The following ADAMTS19 variants were observed in gnomAD, a reference collection of about 807,000 sequenced individuals.
ADAMTS19 encodes the protein ADAM metallopeptidase with thrombospondin type 1 motif 19.
In ADAMTS19, 93 loss-of-function variants were observed where a neutral mutation model predicts 153.3. That is an observed-to-expected ratio of 0.61 (90% CI 0.51 to 0.72). The LOEUF is 0.72. Among genes scored for constraint, ADAMTS19 ranks in the 30% least tolerant of loss-of-function variants. The pLI is 0.00. For synonymous variants in ADAMTS19, 600 were observed against 556.6 expected (o/e 1.08, Z -1.10); for missense variants, 1,482 against 1,552.1 (o/e 0.95, Z 0.76).
chr5:129,699,740 T>C (rs1037314149), intron 19 of ADAMTS19, among the ~76,000 whole-genome samples: 1 of 152,062 alleles, frequency 6.6e-6, no homozygotes, highest in Non-Finnish European at 1.5e-5. Flanking sequence ...ATTCTACAAA[T>C]ATCATGAGGT....
chr5:129,721,665 T>C (rs2127201036), intron 21 of ADAMTS19, among the ~76,000 whole-genome samples: 1 of 152,300 alleles, frequency 6.6e-6, no homozygotes, highest in South Asian at 2.1e-4. Flanking sequence ...GGTAAACGTG[T>C]GCCATGGTGG....
intron 7 of ADAMTS19, among the ~76,000 whole-genome samples, chr5:129,559,560 A>G (rs532548400): frequency 6.6e-6 from 1 of 152,272 alleles, no homozygotes; most frequent in Admixed American, 6.5e-5. Context: ...GAGTGAATTT[A>G]AATTGGTGTA....
intron 3 of ADAMTS19, among the ~76,000 whole-genome samples, chr5:129,511,696 GA>G (rs1751442589): frequency 6.6e-6 from 1 of 151,398 alleles, no homozygotes; most frequent in Admixed American, 6.6e-5. Context: ...ACTAGAGGGA[GA>G]AAAGGGAACA....
chr5:129,607,993 TC>T (rs1750990125), intron 8 of ADAMTS19, among the ~76,000 whole-genome samples: 1 of 146,264 alleles, frequency 6.8e-6, no homozygotes, highest in Admixed American at 6.8e-5. Flanking sequence ...TATAAACAAT[TC>T]TATATATATA....
chr5:129,503,068 C>G (rs931543821), intron 2 of ADAMTS19, among the ~76,000 whole-genome samples: 1 of 152,172 alleles, frequency 6.6e-6, no homozygotes, highest in African/African-American at 2.4e-5. Flanking sequence ...AAGATGTAAT[C>G]ATGCAACTAA....
At chr5:129,522,299 G>GTGTATATATATA (rs1361330810) in intron 3 of ADAMTS19, among the ~76,000 whole-genome samples, 2 of 97,740 alleles carry the variant, frequency 2.0e-5, no homozygotes, top group African/African-American at 9.0e-5. Flanking sequence ...GTGTGTGTGT[G>GTGTATATATATA]TATATATATA....
chr5:129,509,226 C>T lies in ADAMTS19; in HGVS notation c.897C>T (p.Tyr299=), dbSNP rs757507105. The T allele has an allele frequency of 5.0e-6, 8 of 1,610,776 alleles. No individual in the cohort carries two copies. In the Middle Eastern group the frequency reaches 5.0e-4, roughly 100 times the overall value. ...VTEKSALHSH[Y]CGIISDKGRP... is the part of the protein sequence containing the mutation. Reference sequence around the variant, plus strand: ...AGAAGTCAGCTCTTCACAGTCATTACTGTGGTATCATTTCAGGTAAATGCC... The same window carrying T: ...AGAAGTCAGCTCTTCACAGTCATTATTGTGGTATCATTTCAGGTAAATGCC... Residue 299 remains tyrosine, a synonymous_variant, in exon 3 of 23, where the codon TAC becomes TAT. Coordinates refer to ENST00000274487, the MANE Select transcript of ADAMTS19 (RefSeq NM_133638.6).
At chr5:129,606,518 C>T (rs991813953) in intron 8 of ADAMTS19, among the ~76,000 whole-genome samples, 12 of 152,202 alleles carry the variant, frequency 7.9e-5, no homozygotes, top group African/African-American at 2.4e-4. Context: ...TAACTGGTGT[C>T]GTCTCCTTTG....
At chr5:129,516,082 C>T (rs1353235398) in intron 3 of ADAMTS19, among the ~76,000 whole-genome samples, 1 of 151,736 alleles carries the variant, frequency 6.6e-6, no homozygotes, top group East Asian at 1.9e-4. Context: ...TAAGATGTAT[C>T]ATGTCAACTG....
intron 11 of ADAMTS19, among the ~76,000 whole-genome samples, chr5:129,645,021 G>C (rs1430971279): frequency 2.0e-5 from 3 of 151,954 alleles, no homozygotes; most frequent in African/African-American, 4.8e-5. Context: ...GACTGTTCAG[G>C]CTCCTTTGAC....
chr5:129,607,907 A>T (rs1170318192), intron 8 of ADAMTS19, among the ~76,000 whole-genome samples: 6 of 151,058 alleles, frequency 4.0e-5, no homozygotes, highest in Admixed American at 4.0e-4. Flanking sequence ...ATGTATAAAG[A>T]TGGATGTATA....
chr5:129,593,383 G>T lies in ADAMTS19; in HGVS notation c.1373-3176G>T, dbSNP rs146253539. 3.8e-3 allele frequency among the ~76,000 whole-genome samples: 574 copies of T among 152,212 alleles called. 4 individuals carry two copies. Among genetic ancestry groups the T allele is most frequent in the African/African-American group, 0.013 (548 of 41,526 alleles). ...ATAATGATTTGACCTCAATCTAGAT[G>T]ACCTCTACCTGCACCCTTCTTTACT... On this transcript the variant is annotated intron_variant, in intron 7 of 22. Transcript: ENST00000274487.
chr5:129,619,349 A>G (rs25829), intron 8 of ADAMTS19, among the ~76,000 whole-genome samples: 2,997 of 152,154 alleles, frequency 0.02, 46 homozygotes, highest in Non-Finnish European at 0.029. Context: ...AATCATTTCT[A>G]CCACATTTGG....
At chr5:129,706,702 C>T (rs1756172222) in intron 21 of ADAMTS19, among the ~76,000 whole-genome samples, 1 of 152,060 alleles carries the variant, frequency 6.6e-6, no homozygotes, top group Admixed American at 6.5e-5. Flanking sequence ...ATTATAAGCT[C>T]ATACAATGCT....
At chr5:129,704,001 A>C (rs1472199045) in intron 20 of ADAMTS19, among the ~76,000 whole-genome samples, 1 of 152,186 alleles carries the variant, frequency 6.6e-6, no homozygotes, top group Non-Finnish European at 1.5e-5. Context: ...TACTCTCTGT[A>C]ATAATGGCTC....
rs13356525 is a variant in ADAMTS19 at position 129,694,919 on chromosome 5, T to C, written c.2954+64T>C. 7,768 of 1,357,776 alleles carry C rather than the reference T, an allele frequency of 5.7e-3. 340 individuals carry two copies. In the African/African-American group the frequency reaches 0.096, roughly 17 times the overall value. The allele number at this position is 1,357,776 out of a possible 1,614,324, so 84.1% of individuals were successfully genotyped here. On this transcript the variant is annotated intron_variant, in intron 19 of 22. Coordinates refer to ENST00000274487, the MANE Select transcript of ADAMTS19 (RefSeq NM_133638.6). ...CATTAGATTGCTGTCCTTTAAAACATGCTCAGAATATCATTGAAATCACAT... is the reference window on the plus strand; with the variant it reads ...CATTAGATTGCTGTCCTTTAAAACACGCTCAGAATATCATTGAAATCACAT...
At position 129,527,337 on chromosome 5, in the gene ADAMTS19, A is replaced by G. The variant is rs370112089; in HGVS notation, c.1087-411A>G. ...GATAAATATAGTCCCATTTTTTACT[A>G]TCTTTGCTATCATTTGGCTGTTTTC... On this transcript the variant is annotated intron_variant, in intron 4 of 22. Transcript: ENST00000274487. Among the ~76,000 whole-genome samples, 22 of 150,742 alleles carry G rather than the reference A, an allele frequency of 1.5e-4. No homozygotes were observed. The East Asian group carries it at 1.8e-3, about 12-fold the overall frequency.
chr5:129,633,022 A>T (rs1561616009), intron 10 of ADAMTS19, among the ~76,000 whole-genome samples: 1 of 151,922 alleles, frequency 6.6e-6, no homozygotes. Flanking sequence ...ACACACATTA[A>T]TTTTTTTGAT....
At position 129,644,941 on chromosome 5, in the gene ADAMTS19, A is replaced by G. The variant is rs1217887098; in HGVS notation, c.1873-2824A>G. Among the ~76,000 whole-genome samples the G allele has an allele frequency of 2.0e-5, 3 of 152,184 alleles. 1 individual carries two copies. The highest frequency in any genetic ancestry group is 7.2e-5 in the African/African-American group (3 of 41,448). Reference sequence around the variant, plus strand: ...ATATCCTAACAGTCACAATGTGCATATGTACACAGCTTTTTCCCTGCCTTC... The same window carrying G: ...ATATCCTAACAGTCACAATGTGCATGTGTACACAGCTTTTTCCCTGCCTTC... On this transcript the variant is annotated intron_variant, in intron 11 of 22. Transcript: ENST00000274487.
Sources: gnomAD v4.1 joint callset for allele counts (sites outside exome capture counted in the v4.1 genomes callset) on GRCh38, gnomAD v4.1.1 for gene constraint, MANE v1.5 for transcripts, NCBI Gene and HGNC (gene_info 2026-07-23, HGNC 2026-07-21) for gene names.